The following CNTNAP2 variants were observed in gnomAD, a reference collection of about 807,000 sequenced individuals.
The protein encoded by CNTNAP2 is contactin associated protein 2.
CNTNAP2 carries 98 observed loss-of-function variants against 155.2 expected under a neutral mutation model. That is an observed-to-expected ratio of 0.63 (90% CI 0.54 to 0.75). The LOEUF (loss-of-function observed/expected upper bound fraction) is 0.75. Ranked by LOEUF, CNTNAP2 falls within the 30% of genes least tolerant of loss-of-function variation. The pLI, the probability that CNTNAP2 is intolerant of heterozygous loss-of-function variation, is 0.00. For missense variants in CNTNAP2, 1,727 were observed against 1,688.1 expected (o/e 1.02, Z -0.40); for synonymous variants, 651 against 631.2 (o/e 1.03, Z -0.47).
intron 10 of CNTNAP2, among the ~76,000 whole-genome samples, chr7:147,414,832 G>A (rs1297390058): frequency 3.3e-5 from 5 of 150,802 alleles, no homozygotes; most frequent in African/African-American, 4.9e-5. Context: ...TCCCAGCTAC[G>A]CGGGAGGCTG....
rs560538194 is a variant in CNTNAP2, at chr7:147,352,786, A to G, written c.1499-42823A>G. On this transcript the variant is annotated intron_variant, in intron 9 of 23. Coordinates refer to ENST00000361727, the MANE Select transcript of CNTNAP2 (RefSeq NM_014141.6). ...ATTTTTTCCACATGGAAAAAAATTCAAAACCAGGCAGTAGATAGATAAAAT... is the reference window on the plus strand; with the variant it reads ...ATTTTTTCCACATGGAAAAAAATTCGAAACCAGGCAGTAGATAGATAAAAT... Among the ~76,000 whole-genome samples the G allele has an allele frequency of 3.3e-5, 5 of 152,120 alleles. No individual in the cohort carries two copies. The East Asian group carries it at 9.7e-4, about 29-fold the overall frequency.
chr7:148,223,606 G>A (rs1012389252), intron 19 of CNTNAP2, among the ~76,000 whole-genome samples: 5 of 151,970 alleles, frequency 3.3e-5, no homozygotes, highest in African/African-American at 9.7e-5. Flanking sequence ...ATCATTTAGC[G>A]GTCCTCTTCT....
At chr7:146,377,246 T>C (rs1398614848) in intron 1 of CNTNAP2, among the ~76,000 whole-genome samples, 1 of 152,174 alleles carries the variant, frequency 6.6e-6, no homozygotes, top group Non-Finnish European at 1.5e-5. Flanking sequence ...CTTTGAATTA[T>C]ACAATACTGT....
chr7:146,224,546 G>A (rs1799260513), intron 1 of CNTNAP2, among the ~76,000 whole-genome samples: 2 of 151,088 alleles, frequency 1.3e-5, no homozygotes, highest in African/African-American at 2.4e-5. Flanking sequence ...AGGAGATTGA[G>A]ACTATCCTGG....
intron 17 of CNTNAP2, among the ~76,000 whole-genome samples, chr7:148,155,097 A>G (rs1174496762): frequency 6.6e-6 from 1 of 152,130 alleles, no homozygotes; most frequent in Non-Finnish European, 1.5e-5. Flanking sequence ...GCTTCCCCTC[A>G]ATGAGTCCAC....
intron 14 of CNTNAP2, among the ~76,000 whole-genome samples, chr7:147,929,307 T>C (rs1013657754): frequency 3.3e-5 from 5 of 151,950 alleles, no homozygotes; most frequent in Non-Finnish European, 7.4e-5. Flanking sequence ...TAAAGACTAA[T>C]TGGACACTAT....
intron 18 of CNTNAP2, among the ~76,000 whole-genome samples, chr7:148,174,142 T>A (rs1794886043): frequency 1.3e-5 from 2 of 152,252 alleles, no homozygotes; most frequent in African/African-American, 4.8e-5. Context: ...GAGTTTTCAT[T>A]TGATTCAATT....
At chr7:147,826,323 G>C (rs1453147933) in intron 13 of CNTNAP2, among the ~76,000 whole-genome samples, 1 of 152,172 alleles carries the variant, frequency 6.6e-6, no homozygotes, top group Non-Finnish European at 1.5e-5. Context: ...ATTTATAAGT[G>C]ATAGTATAAT....
In CNTNAP2 at chr7:146,729,872, A is replaced by G. The variant is rs537038679; in HGVS notation, c.98-44399A>G. On this transcript the variant is annotated intron_variant, in intron 1 of 23. Transcript: ENST00000361727. ...GCTCTAACATGTTTTGACCAGTTAC[A>G]TAGTTTTTAAAAGGTGAGGGACAGT... Among the ~76,000 whole-genome samples, 68 of 152,322 alleles carry G rather than the reference A, an allele frequency of 4.5e-4. No homozygotes were observed. In the South Asian group the frequency reaches 0.013, roughly 29 times the overall value.
At chr7:147,082,563 G>C (rs1800158188) in intron 4 of CNTNAP2, 1 of 152,200 alleles carries the variant, frequency 6.6e-6, no homozygotes, top group South Asian at 2.1e-4. Context: ...TGAACAGCTA[G>C]CAGTCTCTGC....
At chr7:146,365,055 C>A in intron 1 of CNTNAP2, among the ~76,000 whole-genome samples, 1 of 152,092 alleles carries the variant, frequency 6.6e-6, no homozygotes. Context: ...TTTATTCAGT[C>A]TTATTATTTA....
intron 8 of CNTNAP2, among the ~76,000 whole-genome samples, chr7:147,288,467 T>C (rs1735974325): frequency 1.3e-5 from 2 of 152,142 alleles, no homozygotes; most frequent in South Asian, 4.1e-4. Flanking sequence ...TGGGAGCAAA[T>C]TTACACGTTC....
intron 20 of CNTNAP2, among the ~76,000 whole-genome samples, chr7:148,261,351 G>A (rs1009943453): frequency 2.0e-5 from 3 of 152,070 alleles, no homozygotes; most frequent in Admixed American, 6.5e-5. Flanking sequence ...GTAGAGATGG[G>A]GTTTCACCAT....
intron 1 of CNTNAP2, among the ~76,000 whole-genome samples, chr7:146,335,392 T>A (rs1186915742): frequency 1.3e-5 from 2 of 152,184 alleles, no homozygotes; most frequent in East Asian, 3.9e-4. Context: ...AAAATGTCCC[T>A]CGAGATTCTT....
intron 1 of CNTNAP2, among the ~76,000 whole-genome samples, chr7:146,554,477 A>G (rs1049253305): frequency 2.6e-5 from 4 of 152,196 alleles, no homozygotes; most frequent in Admixed American, 6.5e-5. Flanking sequence ...AAAAAATTAT[A>G]TGCTTAGCCA....
chr7:147,595,424 G>T (rs753086416), intron 12 of CNTNAP2, among the ~76,000 whole-genome samples: 1 of 152,224 alleles, frequency 6.6e-6, no homozygotes, highest in East Asian at 1.9e-4. Context: ...TACAGGTCTG[G>T]ATATAAATGT....
intron 10 of CNTNAP2, among the ~76,000 whole-genome samples, chr7:147,407,330 T>G (rs1385569194): frequency 6.6e-6 from 1 of 150,502 alleles, no homozygotes; most frequent in Non-Finnish European, 1.5e-5. Context: ...TAGCCGGGCG[T>G]GGTGGCGGGC....
intron 1 of CNTNAP2, among the ~76,000 whole-genome samples, chr7:146,680,061 C>G (rs137913412): frequency 6.4e-4 from 97 of 152,204 alleles, no homozygotes; most frequent in African/African-American, 2.3e-3. Flanking sequence ...AGAAGCACTT[C>G]TAAAATGTAG....
At chr7:147,337,000 C>T (rs990319372) in intron 9 of CNTNAP2, among the ~76,000 whole-genome samples, 3 of 151,988 alleles carry the variant, frequency 2.0e-5, no homozygotes, top group East Asian at 3.9e-4. Flanking sequence ...CCAAAATGTC[C>T]TCTATATACT....
Sources: allele counts gnomAD v4.1 joint callset (sites outside exome capture counted in the v4.1 genomes callset), GRCh38; gene constraint gnomAD v4.1.1; transcripts MANE v1.5; gene names NCBI Gene and HGNC (gene_info 2026-07-23, HGNC 2026-07-21).